The following PTPRD variants were observed in gnomAD, a reference collection of about 807,000 sequenced individuals.
The protein encoded by PTPRD is receptor-type tyrosine-protein phosphatase delta.
Under a neutral mutation model 214.5 loss-of-function variants are expected in PTPRD, and 34 were observed. The observed-to-expected ratio is 0.16, with a 90% CI of 0.12 to 0.21. PTPRD has a LOEUF of 0.21. PTPRD is among the 10% of genes least tolerant of loss of function. PTPRD has a pLI of 1.00. For missense variants in PTPRD, 2,545 were observed against 2,398.7 expected (o/e 1.06, Z -1.27); for synonymous variants, 1,128 against 845.7 (o/e 1.33, Z -5.79).
chr9:8,482,840 C>G (rs1021585430), intron 30 of PTPRD, among the ~76,000 whole-genome samples: 2 of 152,140 alleles, frequency 1.3e-5, no homozygotes, highest in Non-Finnish European at 1.5e-5. Context: ...ATGCACTTAC[C>G]ACTCCCTTTG....
At chr9:10,031,123 CT>C (rs1166678831) in intron 4 of PTPRD, among the ~76,000 whole-genome samples, 1 of 152,094 alleles carries the variant, frequency 6.6e-6, no homozygotes, top group Admixed American at 6.6e-5. Context: ...TAGTAATTTT[CT>C]TTTAAGACAA....
At chr9:8,858,868 G>T (rs1009592461) in intron 11 of PTPRD, among the ~76,000 whole-genome samples, 6 of 150,942 alleles carry the variant, frequency 4.0e-5, no homozygotes, top group African/African-American at 1.5e-4. Context: ...CACACCAGAG[G>T]AGGGGGCGGG....
chr9:10,008,102 T>C (rs1008730617), intron 4 of PTPRD, among the ~76,000 whole-genome samples: 10 of 151,812 alleles, frequency 6.6e-5, no homozygotes, highest in Admixed American at 6.6e-4. Context: ...AGGTGAGAAA[T>C]AACAATAAAA....
At chr9:8,373,373 G>C (rs925662486) in intron 39 of PTPRD, among the ~76,000 whole-genome samples, 1 of 151,928 alleles carries the variant, frequency 6.6e-6, no homozygotes, top group Non-Finnish European at 1.5e-5. Context: ...ATTTCACAGA[G>C]CTCAGTTTAT....
At chr9:9,548,763 G>A (rs542425811) in intron 8 of PTPRD, among the ~76,000 whole-genome samples, 1 of 152,174 alleles carries the variant, frequency 6.6e-6, no homozygotes, top group African/African-American at 2.4e-5. Context: ...TATTACCAGA[G>A]ATAAAAGAGC....
At chr9:8,584,426 G>C (rs993156611) in intron 14 of PTPRD, among the ~76,000 whole-genome samples, 5 of 150,578 alleles carry the variant, frequency 3.3e-5, no homozygotes, top group Non-Finnish European at 7.4e-5. Context: ...GTACATATTG[G>C]TATTGGTACT....
Position 10,061,347 on chromosome 9 carries a change from G to C in PTPRD, c.-544-27557C>G, listed in dbSNP as rs78955524. 1.8e-4 allele frequency among the ~76,000 whole-genome samples: 28 copies of C among 152,128 alleles called. No homozygotes were observed. In the East Asian group the frequency reaches 5.4e-3, roughly 30 times the overall value. On this transcript the variant is annotated intron_variant, in intron 3 of 45. Coordinates refer to ENST00000381196, the MANE Select transcript of PTPRD (RefSeq NM_002839.4). ...TGGAAAGGACCTATTATGCATTGAA[G>C]ACTATAACTTAGGGAAAACACAGTT... is the stretch of plus-strand genomic sequence containing the variant.
rs1736649476 is a variant in PTPRD at position 10,537,689 on chromosome 9, T to C, written c.-600+74709A>G. Among the ~76,000 whole-genome samples the C allele has an allele frequency of 3.3e-5, 5 of 152,152 alleles. No homozygotes were observed. In the South Asian group the frequency reaches 1.0e-3, roughly 32 times the overall value. On this transcript the variant is annotated intron_variant, in intron 2 of 45. Coordinates refer to ENST00000381196, the MANE Select transcript of PTPRD (RefSeq NM_002839.4). ...GTTTTCTCCTTCAGTGAACACTCCT[T>C]CAGTGAGTTTCTGATTATATCCATA...
intron 3 of PTPRD, among the ~76,000 whole-genome samples, chr9:10,064,785 A>G (rs1479564438): frequency 6.6e-6 from 1 of 152,020 alleles, no homozygotes; most frequent in Non-Finnish European, 1.5e-5. Context: ...AAAAACTTGC[A>G]CATGTACTCC....
chr9:9,986,466 A>C (rs1264910858), intron 4 of PTPRD, among the ~76,000 whole-genome samples: 1 of 152,160 alleles, frequency 6.6e-6, no homozygotes, highest in Non-Finnish European at 1.5e-5. Flanking sequence ...CTATAATTAT[A>C]AAGTAATATC....
intron 4 of PTPRD, among the ~76,000 whole-genome samples, chr9:9,957,493 G>A (rs921091106): frequency 1.3e-5 from 2 of 151,994 alleles, no homozygotes; most frequent in Admixed American, 6.6e-5. Flanking sequence ...TTAAATATCC[G>A]ATGATTTAAA....
intron 9 of PTPRD, among the ~76,000 whole-genome samples, chr9:9,208,964 T>C (rs10977577): frequency 1.3e-5 from 2 of 151,822 alleles, no homozygotes; most frequent in African/African-American, 4.9e-5. Context: ...CCCGCCAATA[T>C]GCCTGGCTAA....
chr9:10,014,189 G>C (rs1037285611), intron 4 of PTPRD, among the ~76,000 whole-genome samples: 1 of 151,910 alleles, frequency 6.6e-6, no homozygotes, highest in Non-Finnish European at 1.5e-5. Flanking sequence ...ACATCAATCA[G>C]TAATGATAAT....
At chr9:8,663,283 C>CT (rs561882911) in intron 12 of PTPRD, among the ~76,000 whole-genome samples, 23,592 of 137,120 alleles carry the variant, frequency 0.17, 2,341 homozygotes, top group African/African-American at 0.3. Context: ...AGATAATTGG[C>CT]TTTTTTTTTT....
chr9:9,134,824 T>TG (rs1399497518), intron 10 of PTPRD, among the ~76,000 whole-genome samples: 1 of 152,104 alleles, frequency 6.6e-6, no homozygotes, highest in Non-Finnish European at 1.5e-5. Context: ...TGTGTGTGTG[T>TG]TTTCACTCTA....
intron 12 of PTPRD, among the ~76,000 whole-genome samples, chr9:8,708,074 G>C (rs1291299713): frequency 6.6e-6 from 1 of 152,144 alleles, no homozygotes; most frequent in African/African-American, 2.4e-5. Context: ...TGCCTTCTAA[G>C]GCACCTCTGA....
At chr9:8,666,875 A>G (rs2097180727) in intron 12 of PTPRD, among the ~76,000 whole-genome samples, 1 of 152,220 alleles carries the variant, frequency 6.6e-6, no homozygotes, top group African/African-American at 2.4e-5. Flanking sequence ...AAACTGATGT[A>G]CGACTAAAAA....
intron 12 of PTPRD, among the ~76,000 whole-genome samples, chr9:8,679,707 A>G (rs1596758530): frequency 6.6e-6 from 1 of 152,348 alleles, no homozygotes; most frequent in South Asian, 2.1e-4. Context: ...CTCCCAAGAG[A>G]CATTTGCCAT....
intron 14 of PTPRD, among the ~76,000 whole-genome samples, chr9:8,553,877 C>G (rs1033728918): frequency 1.3e-5 from 2 of 152,106 alleles, no homozygotes; most frequent in Non-Finnish European, 2.9e-5. Context: ...CAGTCTCTTA[C>G]GAAATTCAGA....
Sources: gnomAD v4.1 joint callset for allele counts (sites outside exome capture counted in the v4.1 genomes callset) on GRCh38, gnomAD v4.1.1 for gene constraint, MANE v1.5 for transcripts, NCBI Gene and HGNC (gene_info 2026-07-23, HGNC 2026-07-21) for gene names.